The following PCDHA9 variants were observed in gnomAD, a reference collection of about 807,000 sequenced individuals.
The protein encoded by PCDHA9 is protocadherin alpha-9.
PCDHA9 carries 62 observed loss-of-function variants against 62.0 expected under a neutral mutation model. The observed-to-expected ratio is 1.00, with a 90% CI of 0.81 to 1.23. The LOEUF (loss-of-function observed/expected upper bound fraction) is 1.23. PCDHA9 is among the 50% of genes most tolerant of loss of function. The probability of loss-of-function intolerance (pLI) is 0.00; values close to 1 mark genes in which losing one functional copy is unlikely to be tolerated. For synonymous variants in PCDHA9, 557 were observed against 567.6 expected (o/e 0.98, Z 0.27); for missense variants, 1,205 against 1,249.8 (o/e 0.96, Z 0.54).
At chr5:140,854,950 C>A (rs1427267019) in intron 1 of PCDHA9, among the ~76,000 whole-genome samples, 1 of 149,714 alleles carries the variant, frequency 6.7e-6, no homozygotes, top group African/African-American at 2.4e-5. Context: ...TAATAAATTT[C>A]TTAATTACTT....
intron 1 of PCDHA9, chr5:140,871,720 TA>T: frequency 1.3e-6 from 1 of 767,368 alleles, no homozygotes; most frequent in Non-Finnish European, 2.0e-6. Flanking sequence ...CTATTTCTCT[TA>T]ATATTTGGTT....
intron 1 of PCDHA9, among the ~76,000 whole-genome samples, chr5:140,950,741 C>A (rs149114023): frequency 1.3e-5 from 2 of 152,006 alleles, no homozygotes; most frequent in African/African-American, 4.8e-5. Flanking sequence ...ATCCTAATTT[C>A]TCTCTATCCT....
intron 1 of PCDHA9, among the ~76,000 whole-genome samples, chr5:140,932,700 A>G (rs1584752908): frequency 6.6e-6 from 1 of 151,992 alleles, no homozygotes; most frequent in East Asian, 1.9e-4. Flanking sequence ...AAAAACTCAT[A>G]TAGACAACAC....
chr5:140,972,478 AC>A (rs2096537655), intron 1 of PCDHA9, among the ~76,000 whole-genome samples: 2 of 151,866 alleles, frequency 1.3e-5, no homozygotes, highest in Admixed American at 1.3e-4. Flanking sequence ...TCAGCATTTA[AC>A]CCCAGACTCT....
chr5:140,851,181 A>G, intron 1 of PCDHA9: 2 of 1,246,750 alleles, frequency 1.6e-6, no homozygotes, highest in Middle Eastern at 6.4e-4. Flanking sequence ...ACACTTGAAA[A>G]CCAATTTAGT....
chr5:140,967,698 A>T, intron 1 of PCDHA9: 1 of 1,614,174 alleles, frequency 6.2e-7, no homozygotes, highest in Non-Finnish European at 8.5e-7. Context: ...TTCAGCATAG[A>T]TGCCAGTACC....
intron 3 of PCDHA9, among the ~76,000 whole-genome samples, chr5:140,985,279 A>G (rs1168353248): frequency 1.3e-5 from 2 of 152,150 alleles, no homozygotes; most frequent in Non-Finnish European, 2.9e-5. Context: ...CTTTTCTGCA[A>G]TCTATGATAT....
chr5:140,926,914 G>A (rs1563085125), intron 1 of PCDHA9: 7 of 1,565,570 alleles, frequency 4.5e-6, no homozygotes, highest in African/African-American at 1.4e-5. Context: ...TGGGGTGGCA[G>A]TTTTATGTTT....
chr5:140,853,646 G>T (rs1277332064), intron 1 of PCDHA9: 1 of 988,662 alleles, frequency 1.0e-6, no homozygotes, highest in Non-Finnish European at 1.2e-6. Flanking sequence ...CCTAAATTGA[G>T]CCTGTTCCAG....
chr5:140,948,525 A>G (rs187765359), intron 1 of PCDHA9, among the ~76,000 whole-genome samples: 2 of 151,708 alleles, frequency 1.3e-5, no homozygotes, highest in Admixed American at 1.3e-4. Flanking sequence ...AACACTATTT[A>G]TATTTTATTT....
At position 140,848,959 on chromosome 5, in the gene PCDHA9, A is replaced by C. The variant is rs1554142632; in HGVS notation, c.464A>C (p.Glu155Ala). ...SRPLDSRFPL[E>A]GASDADIGEN... is the part of the protein sequence containing the mutation. The stretch of plus-strand genomic sequence containing the variant: ...CCGCTTGACTCTCGGTTTCCACTAG[A>C]GGGCGCGTCCGATGCAGATATCGGG... Residue 155 changes from glutamate (E) to alanine (A), a missense_variant, in exon 1 of 4, where the codon GAG becomes GCG. By Grantham distance (107) the Glu-to-Ala change is moderately radical. Around this residue, in one of 3 missense-constraint regions of PCDHA9, gnomAD observed 208 missense variants for 213.2 expected, o/e 0.98. Transcript: ENST00000532602. 1.9e-6 allele frequency: 3 copies of C among 1,606,524 alleles called. No individual in the cohort carries two copies. Among genetic ancestry groups the C allele is most frequent in the Admixed American group, 3.4e-5 (2 of 59,066 alleles).
intron 1 of PCDHA9, chr5:140,875,520 C>T: frequency 1.2e-6 from 2 of 1,614,004 alleles, no homozygotes; most frequent in Non-Finnish European, 1.7e-6. Flanking sequence ...GTCTGCTGCT[C>T]TCGCTTCTGC....
intron 1 of PCDHA9, among the ~76,000 whole-genome samples, chr5:140,954,160 A>G (rs1231258623): frequency 6.6e-6 from 1 of 152,188 alleles, no homozygotes; most frequent in Non-Finnish European, 1.5e-5. Flanking sequence ...TATATGTACC[A>G]CATTTTCTTT....
intron 1 of PCDHA9, among the ~76,000 whole-genome samples, chr5:140,970,978 A>G (rs2096449048): frequency 1.3e-5 from 2 of 152,188 alleles, no homozygotes; most frequent in African/African-American, 4.8e-5. Flanking sequence ...ATTAAGAAAA[A>G]TGGGGGAATA....
At chr5:140,987,223 A>C (rs1269747690) in intron 3 of PCDHA9, among the ~76,000 whole-genome samples, 1 of 151,456 alleles carries the variant, frequency 6.6e-6, no homozygotes, top group African/African-American at 2.4e-5. Flanking sequence ...CAAAAAAAAA[A>C]AAAATAATAA....
chr5:140,889,720 T>C (rs1259294888), intron 1 of PCDHA9, among the ~76,000 whole-genome samples: 1 of 152,240 alleles, frequency 6.6e-6, no homozygotes, highest in African/African-American at 2.4e-5. Context: ...TCTTTGCTAC[T>C]GTCTCACTGA....
intron 2 of PCDHA9, among the ~76,000 whole-genome samples, chr5:140,979,626 A>T (rs2096859120): frequency 2.0e-5 from 3 of 152,204 alleles, no homozygotes; most frequent in Non-Finnish European, 4.4e-5. Flanking sequence ...TTAGTCTAAG[A>T]CTCAGATTAA....
rs576672695 is a variant in PCDHA9, at chr5:140,976,134, A to G, written c.2395-2815A>G. On this transcript the variant is annotated intron_variant, in intron 1 of 3. Transcript: ENST00000532602. ...TTTTCCAAGTTTAATCAAGTTCTGG[A>G]TGAAACTCATGTACATTTTACTACT... Among the ~76,000 whole-genome samples the G allele has an allele frequency of 2.0e-5, 3 of 152,348 alleles. No homozygotes were observed. In the East Asian group the frequency reaches 5.8e-4, roughly 29 times the overall value.
At chr5:140,999,973 C>A (rs1370727292) in intron 3 of PCDHA9, among the ~76,000 whole-genome samples, 2 of 152,082 alleles carry the variant, frequency 1.3e-5, no homozygotes, top group African/African-American at 4.8e-5. Context: ...AGTAGCAGCT[C>A]TAGCGGCCTC....
Sources: allele counts gnomAD v4.1 joint callset (sites outside exome capture counted in the v4.1 genomes callset), GRCh38; gene constraint gnomAD v4.1.1; regional missense constraint gnomAD v4.1.1; transcripts MANE v1.5; gene names NCBI Gene and HGNC (gene_info 2026-07-23, HGNC 2026-07-21).